The following SFI1 variants were observed in gnomAD, a reference collection of about 807,000 sequenced individuals.
SFI1 encodes the protein protein SFI1 homolog.
SFI1 carries 195 observed loss-of-function variants against 207.5 expected under a neutral mutation model. That is an observed-to-expected ratio of 0.94 (90% CI 0.84 to 1.06). The LOEUF is 1.06. Ranked by LOEUF, SFI1 falls within the 50% of genes least tolerant of loss-of-function variation. The pLI is 0.00. For synonymous variants in SFI1, 630 were observed against 598.9 expected, an observed-to-expected ratio of 1.05 and a Z score of -0.76; for missense variants, 1,634 against 1,588.0, an observed-to-expected ratio of 1.03 and a Z score of -0.49.
chr22:31,614,895 G>A (rs1011563429), intron 28 of SFI1, 35 bp downstream of exon 28: 1 of 1,609,740 alleles, frequency 6.2e-7, no homozygotes, highest in African/African-American at 1.3e-5. Context: ...CAGGCAGGGG[G>A]AGATGGTCAG....
At chr22:31,500,450 G>A (rs2053555112) in intron 1 of SFI1, among the ~76,000 whole-genome samples, 4 of 152,106 alleles carry the variant, frequency 2.6e-5, no homozygotes, top group Middle Eastern at 3.4e-3. Context: ...GCAATAAGGT[G>A]TTTTTATTTA....
intron 10 of SFI1, among the ~76,000 whole-genome samples, chr22:31,577,631 T>C (rs1163285731): frequency 1.3e-5 from 2 of 152,024 alleles, no homozygotes; most frequent in East Asian, 3.9e-4. Context: ...GTAATCCAAG[T>C]GCTTTGGGAG....
intron 8 of SFI1, among the ~76,000 whole-genome samples, chr22:31,569,720 G>T (rs1030730560): frequency 5.9e-5 from 9 of 152,136 alleles, no homozygotes; most frequent in African/African-American, 2.2e-4. Flanking sequence ...AGCCAAGGCG[G>T]GGGGACAGCT....
chr22:31,530,976 G>T, intron 3 of SFI1, 82 bp from the exon 4 acceptor site: 1 of 1,171,148 alleles, frequency 8.5e-7, no homozygotes, highest in Non-Finnish European at 1.2e-6. Flanking sequence ...GACCTTAAAG[G>T]CTTCCTTTCC....
Position 31,604,308 on chromosome 22 carries a change from G to C in SFI1, c.1882-1G>C. 6.4e-7 allele frequency: 1 copy of C among 1,570,974 alleles called. No homozygotes were observed. The highest frequency in any genetic ancestry group is 2.3e-5 in the East Asian group (1 of 43,010). Reference sequence around the variant, plus strand: ...GTAGCTGCTTTCTCCTCTGTCTGCAGTGCCTGGCCCTGCGGGGAGCGGAGC... The same window carrying C: ...GTAGCTGCTTTCTCCTCTGTCTGCACTGCCTGGCCCTGCGGGGAGCGGAGC... On this transcript the variant is annotated splice_acceptor_variant, in intron 18 of 32. Transcript: ENST00000400288. LOFTEE classifies it high-confidence loss of function.
chr22:31,502,230 G>T lies in SFI1; in HGVS notation c.-31+5593G>T, dbSNP rs562799927. On this transcript the variant is annotated intron_variant, in intron 1 of 32. Coordinates refer to ENST00000400288, the MANE Select transcript of SFI1 (RefSeq NM_001007467.3). Reference sequence around the variant, plus strand: ...AATATGTTACAGGAACTTAAATCTTGTTTGTATCAACTACCTTTTATGGTA... The same window carrying T: ...AATATGTTACAGGAACTTAAATCTTTTTTGTATCAACTACCTTTTATGGTA... Among the ~76,000 whole-genome samples the T allele has an allele frequency of 8.1e-4, 124 of 152,222 alleles. 1 individual carries two copies. Among genetic ancestry groups the T allele is most frequent in the East Asian group, 4.0e-3 (21 of 5,190 alleles).
Position 31,568,559 on chromosome 22 carries a change from A to G in SFI1, c.766-4499A>G, listed in dbSNP as rs555110260. On this transcript the variant is annotated intron_variant, in intron 8 of 32. Transcript: ENST00000400288. ...AAAAAAAAAAAAAAAAAAAAAAAGC[A>G]TTAGAAGCAGTGACAGTAATATAGC... 1.0e-4 allele frequency among the ~76,000 whole-genome samples: 15 copies of G among 145,128 alleles called. No homozygotes were observed. The South Asian group carries it at 3.4e-3, about 33-fold the overall frequency.
intron 29 of SFI1, 40 bp downstream of exon 29, chr22:31,615,319 AC>A (rs1302572727): frequency 7.0e-7 from 1 of 1,421,340 alleles, no homozygotes; most frequent in East Asian, 2.5e-5. Flanking sequence ...TGGGGCTCTC[AC>A]TCTGGTCTGA....
rs755277133 is a variant in SFI1, at chr22:31,613,196, G to C, written c.2545G>C (p.Ala849Pro). ...GACAGTGCGGGCCCTGTGGTTCTGG[G>C]CCTTCTCGCTGCAGGCAAAGGTAAT... is the stretch of plus-strand genomic sequence containing the variant. ...RATVRALWFW[A>P]FSLQAKVWAT... is the part of the protein sequence containing the mutation. The change falls in exon 25 of 33, where the codon GCC becomes CCC. Residue 849 changes from alanine (A) to proline (P), a missense_variant. Physicochemically the swap from Ala to Pro is conservative, Grantham distance 27. Coordinates refer to ENST00000400288, the MANE Select transcript of SFI1 (RefSeq NM_001007467.3). The C allele has an allele frequency of 6.2e-7, 1 of 1,613,782 alleles. No homozygotes were observed. Among genetic ancestry groups the C allele is most frequent in the Admixed American group, 1.7e-5 (1 of 60,016 alleles).
At chr22:31,578,876 G>C (rs2063791082) in intron 11 of SFI1, among the ~76,000 whole-genome samples, 1 of 152,174 alleles carries the variant, frequency 6.6e-6, no homozygotes, top group African/African-American at 2.4e-5. Flanking sequence ...GCTCCACAAA[G>C]CACAGTACGA....
chr22:31,504,332 A>G (rs918426598), intron 1 of SFI1, among the ~76,000 whole-genome samples: 1 of 152,208 alleles, frequency 6.6e-6, no homozygotes, highest in Non-Finnish European at 1.5e-5. Context: ...GTGTAGTATC[A>G]GAAAAACTAG....
chr22:31,501,809 T>C (rs9609304), intron 1 of SFI1, among the ~76,000 whole-genome samples: 33,142 of 152,184 alleles, frequency 0.22, 4,617 homozygotes, highest in East Asian at 0.44. Flanking sequence ...AAGAAAAAAT[T>C]GATTCTGGAT....
chr22:31,507,037 T>C (rs1478001810), intron 1 of SFI1, among the ~76,000 whole-genome samples: 1 of 152,066 alleles, frequency 6.6e-6, no homozygotes, highest in Non-Finnish European at 1.5e-5. Flanking sequence ...CAAAAAAGCA[T>C]GAATAGCCAG....
chr22:31,602,184 GTGC>G (rs2068227828), intron 15 of SFI1, 25 bp from the exon 16 acceptor site: 1 of 1,571,724 alleles, frequency 6.4e-7, no homozygotes, highest in Middle Eastern at 1.7e-4. Context: ...TTTGTTTTAA[GTGC>G]TTTACATTCT....
intron 12 of SFI1, 73 bp downstream of exon 12, chr22:31,580,437 C>T (rs982841448): frequency 7.9e-7 from 1 of 1,265,514 alleles, no homozygotes. Flanking sequence ...TCAGTCTTGC[C>T]AAATTAAGCA....
At chr22:31,512,932 T>C (rs934463305) in intron 2 of SFI1, among the ~76,000 whole-genome samples, 3 of 152,150 alleles carry the variant, frequency 2.0e-5, no homozygotes, top group Non-Finnish European at 4.4e-5. Context: ...GTGATCCGCC[T>C]GCCTTGGCCT....
At chr22:31,558,592 C>G (rs1251811114) in intron 7 of SFI1, among the ~76,000 whole-genome samples, 3 of 151,668 alleles carry the variant, frequency 2.0e-5, no homozygotes, top group Non-Finnish European at 4.4e-5. Context: ...ATTCTTCTGC[C>G]TTGGCCTCTC....
At chr22:31,548,452 A>C (rs887495161) in intron 5 of SFI1, among the ~76,000 whole-genome samples, 1 of 150,686 alleles carries the variant, frequency 6.6e-6, no homozygotes, top group African/African-American at 2.4e-5. Flanking sequence ...CCTGTACAAC[A>C]CAGAGAAACC....
At chr22:31,613,888 C>A (rs1445226848) in intron 27 of SFI1, 33 bp downstream of exon 27, 1 of 1,551,218 alleles carries the variant, frequency 6.4e-7, no homozygotes, top group Non-Finnish European at 8.7e-7. Flanking sequence ...GTCCTCGCTT[C>A]CACCCTGGGC....
Sources: gnomAD v4.1 joint callset for allele counts (sites outside exome capture counted in the v4.1 genomes callset) on GRCh38, gnomAD v4.1.1 for gene constraint, MANE v1.5 for transcripts, NCBI Gene and HGNC (gene_info 2026-07-23, HGNC 2026-07-21) for gene names.